OSBP2: variants seen among roughly 807,000 people sequenced by gnomAD.
The protein encoded by OSBP2 is oxysterol-binding protein 2.
A neutral mutation model predicts 96.0 loss-of-function variants in OSBP2; 66 were observed. The ratio of observed to expected loss-of-function variants is 0.69; its 90% CI spans 0.56 to 0.84. The LOEUF (loss-of-function observed/expected upper bound fraction) is 0.84. OSBP2 is among the 40% of genes least tolerant of loss of function. OSBP2 has a pLI of 0.00. For missense variants in OSBP2, 1,038 were observed against 1,222.7 expected (o/e 0.85, Z 2.25); for synonymous variants, 525 against 520.9 (o/e 1.01, Z -0.11).
intron 2 of OSBP2, among the ~76,000 whole-genome samples, chr22:30,751,355 A>AT (rs1202530037): frequency 2.6e-5 from 4 of 150,950 alleles, no homozygotes; most frequent in South Asian, 2.1e-4. Context: ...ATATATATAT[A>AT]TTTTTTTCTT....
In OSBP2 at chr22:30,866,570, C is replaced by G. The variant is rs181508879; in HGVS notation, c.854-3859C>G. Among the ~76,000 whole-genome samples, 392 of 152,286 alleles carry G rather than the reference C, an allele frequency of 2.6e-3. 1 individual carries two copies. Among genetic ancestry groups the G allele is most frequent in the Non-Finnish European group, 7.6e-4 (52 of 68,030 alleles). ...TGGCCAACATAGTGAAACTCCCTCT[C>G]TACTAAAAATACAAAAATTAGCCAG... On this transcript the variant is annotated intron_variant, in intron 2 of 13. Coordinates refer to ENST00000332585, the MANE Select transcript of OSBP2 (RefSeq NM_030758.4).
intron 2 of OSBP2, among the ~76,000 whole-genome samples, chr22:30,790,574 C>T (rs1190118482): frequency 6.7e-6 from 1 of 150,208 alleles, no homozygotes; most frequent in Non-Finnish European, 1.5e-5. Context: ...GCTCATGTGT[C>T]TGTAGCTTCC....
rs561162719 is a variant in OSBP2, at chr22:30,904,878, G to A, written c.2376-959G>A. ...GGGCTGGGCACAGTAGCTGATGCCTGTAATCCCAACACTCTGGAAGGCCAA... is the reference window on the plus strand; with the variant it reads ...GGGCTGGGCACAGTAGCTGATGCCTATAATCCCAACACTCTGGAAGGCCAA... On this transcript the variant is annotated intron_variant, in intron 12 of 13. Transcript: ENST00000332585. Among the ~76,000 whole-genome samples the A allele has an allele frequency of 5.3e-5, 8 of 152,272 alleles. 1 individual carries two copies. The South Asian group carries it at 1.2e-3, about 24-fold the overall frequency.
intron 2 of OSBP2, among the ~76,000 whole-genome samples, chr22:30,818,402 T>C (rs2091105911): frequency 6.6e-6 from 1 of 152,158 alleles, no homozygotes; most frequent in African/African-American, 2.4e-5. Context: ...GTTATTGAGT[T>C]AGGTTGCTTC....
At position 30,890,491 on chromosome 22, in the gene OSBP2, G is replaced by C. The variant is rs918462345; in HGVS notation, c.1624-237G>C. 8.5e-5 allele frequency among the ~76,000 whole-genome samples: 13 copies of C among 152,224 alleles called. No homozygotes were observed. Among genetic ancestry groups the C allele is most frequent in the African/African-American group, 3.1e-4 (13 of 41,450 alleles). ...AGCAGAGGAGAGCAACAGTGAACAT[G>C]ATAAAAGTGTGTAGGATGCAGCAGA... On this transcript the variant is annotated intron_variant, in intron 7 of 13. Coordinates refer to ENST00000332585, the MANE Select transcript of OSBP2 (RefSeq NM_030758.4). The surrounding 1 kb of genome is among the most constrained non-coding windows in gnomAD (Gnocchi z 4.4).
chr22:30,891,872 C>T (rs2039955671), intron 8 of OSBP2, among the ~76,000 whole-genome samples: 1 of 152,182 alleles, frequency 6.6e-6, no homozygotes, highest in Non-Finnish European at 1.5e-5. Flanking sequence ...ACAGACACGG[C>T]TCTGGTTCTC....
chr22:30,739,836 TTTTG>T (rs373181206), intron 1 of OSBP2, among the ~76,000 whole-genome samples: 5 of 149,058 alleles, frequency 3.4e-5, no homozygotes, highest in Admixed American at 1.3e-4. Context: ...TTTTGTTTTG[TTTTG>T]TTTGTTTGTT....
At chr22:30,798,224 G>A (rs897058260) in intron 2 of OSBP2, among the ~76,000 whole-genome samples, 1 of 152,172 alleles carries the variant, frequency 6.6e-6, no homozygotes, top group African/African-American at 2.4e-5. Flanking sequence ...GGCCATTTGT[G>A]TATCTTCTTT....
At chr22:30,888,912 G>A (rs938026080) in intron 5 of OSBP2, among the ~76,000 whole-genome samples, 1 of 152,176 alleles carries the variant, frequency 6.6e-6, no homozygotes, top group Non-Finnish European at 1.5e-5. Context: ...GTAGGCAATT[G>A]TGACACAATG....
chr22:30,890,554 A>G lies in OSBP2; in HGVS notation c.1624-174A>G, dbSNP rs2039923272. 6.6e-6 allele frequency among the ~76,000 whole-genome samples: 1 copy of G among 152,186 alleles called. No homozygotes were observed. The highest frequency in any genetic ancestry group is 2.4e-5 in the African/African-American group (1 of 41,452). On this transcript the variant is annotated intron_variant, in intron 7 of 13. Transcript: ENST00000332585. The surrounding 1 kb of genome is among the most constrained non-coding windows in gnomAD (Gnocchi z 4.4). ...AAGGGCTGTGGAGAAAACAGCCAGG[A>G]GGGGCCAGGGAGGTGATGGCTTGGG...
chr22:30,750,354 G>A (rs967946642), intron 2 of OSBP2, among the ~76,000 whole-genome samples: 5 of 152,152 alleles, frequency 3.3e-5, no homozygotes, highest in Admixed American at 6.5e-5. Flanking sequence ...AGGATTACAC[G>A]ATGGTAAATG....
chr22:30,762,183 C>T (rs181390763), intron 2 of OSBP2, among the ~76,000 whole-genome samples: 1 of 152,198 alleles, frequency 6.6e-6, no homozygotes, highest in East Asian at 1.9e-4. Flanking sequence ...GATTACACTA[C>T]TGCACTCCAG....
chr22:30,776,492 T>C (rs73154645), intron 2 of OSBP2, among the ~76,000 whole-genome samples: 7,503 of 152,248 alleles, frequency 0.049, 226 homozygotes, highest in Middle Eastern at 0.075. Flanking sequence ...GCTGAAACAT[T>C]TTTGAAAATG....
chr22:30,772,010 G>T (rs923716841), intron 2 of OSBP2, among the ~76,000 whole-genome samples: 1 of 152,232 alleles, frequency 6.6e-6, no homozygotes, highest in Non-Finnish European at 1.5e-5. Flanking sequence ...TCAGTAGCCT[G>T]CCTTAGTCCA....
chr22:30,776,318 TTTCACCATGTTGCCCAGGCTGGTC>T (rs2090435809), intron 2 of OSBP2, among the ~76,000 whole-genome samples: 1 of 151,876 alleles, frequency 6.6e-6, no homozygotes, highest in South Asian at 2.1e-4. Flanking sequence ...GGAGATGGGA[TTTCACCATGTTGCCCAGGCTGGTC>T]TCCAACTCCT....
At chr22:30,827,681 C>A (rs2038432234) in intron 2 of OSBP2, among the ~76,000 whole-genome samples, 1 of 152,074 alleles carries the variant, frequency 6.6e-6, no homozygotes, top group Non-Finnish European at 1.5e-5. Context: ...AACCATGGGC[C>A]CGTGGGCATG....
intron 1 of OSBP2, among the ~76,000 whole-genome samples, 175 bp downstream of exon 1, chr22:30,695,728 A>G (rs897296206): frequency 6.6e-6 from 1 of 152,100 alleles, no homozygotes; most frequent in African/African-American, 2.4e-5. Flanking sequence ...GGGGGCCCTG[A>G]CCTCTGGCAA....
Position 30,907,571 on chromosome 22 carries a change from C to T in OSBP2, c.*1232C>T, listed in dbSNP as rs2040357624. 2 of 152,278 alleles carry T rather than the reference C, an allele frequency of 1.3e-5. No homozygotes were observed. The highest frequency in any genetic ancestry group is 2.1e-4 in the South Asian group (1 of 4,818). The allele number at this position is 152,278 out of a possible 1,614,324, so 9.4% of individuals were successfully genotyped here. On this transcript the variant is annotated 3_prime_UTR_variant, in exon 14 of 14. Transcript: ENST00000332585. ...CCAATCCTTTCCATTTCAGTTTAGT[C>T]CTAAAAGTTCATCACAGGGTCTTTC...
chr22:30,903,679 G>A (rs2040264605), intron 12 of OSBP2, among the ~76,000 whole-genome samples: 1 of 152,258 alleles, frequency 6.6e-6, no homozygotes. Flanking sequence ...CCTGGGCCAA[G>A]GCACTTTGAG....
Sources: gnomAD v4.1 joint callset for allele counts (sites outside exome capture counted in the v4.1 genomes callset) on GRCh38, gnomAD v4.1.1 for gene constraint, Gnocchi (gnomAD v3.1) non-coding constraint, MANE v1.5 for transcripts, NCBI Gene and HGNC (gene_info 2026-07-23, HGNC 2026-07-21) for gene names.